The following ANO4 variants were observed in gnomAD, a reference collection of about 807,000 sequenced individuals.
ANO4 encodes the protein anoctamin 4.
In ANO4, 69 loss-of-function variants were observed where a neutral mutation model predicts 141.9. That is an observed-to-expected ratio of 0.49 (90% CI 0.40 to 0.59). ANO4 has a LOEUF of 0.59. Ranked by LOEUF, ANO4 falls within the 20% of genes least tolerant of loss-of-function variation. The pLI is 0.00. For missense variants in ANO4, 894 were observed against 1,162.2 expected (o/e 0.77, Z 3.36); for synonymous variants, 350 against 394.3 (o/e 0.89, Z 1.33).
At chr12:100,974,407 G>A (rs2044068678) in intron 6 of ANO4, among the ~76,000 whole-genome samples, 1 of 151,912 alleles carries the variant, frequency 6.6e-6, no homozygotes, top group African/African-American at 2.4e-5. Context: ...TGAGAGACGT[G>A]TCTTGTGTAA....
At chr12:100,776,303 C>T (rs750333061) in intron 3 of ANO4, among the ~76,000 whole-genome samples, 1 of 152,140 alleles carries the variant, frequency 6.6e-6, no homozygotes, top group Non-Finnish European at 1.5e-5. Flanking sequence ...GACTGGATTG[C>T]TTGCTGGAGC....
chr12:100,856,165 G>C (rs767265297), intron 1 of ANO4, among the ~76,000 whole-genome samples: 1 of 152,108 alleles, frequency 6.6e-6, no homozygotes, highest in Non-Finnish European at 1.5e-5. Flanking sequence ...GAGCTTGTAG[G>C]AGACTTGAAG....
intron 1 of ANO4, among the ~76,000 whole-genome samples, chr12:100,883,342 T>C (rs1427433787): frequency 6.6e-6 from 1 of 152,224 alleles, no homozygotes; most frequent in East Asian, 1.9e-4. Flanking sequence ...CCATAAGGTC[T>C]CTGTCATGAC....
At chr12:100,725,636 A>G (rs1807755325) in intron 1 of ANO4, among the ~76,000 whole-genome samples, 1 of 152,098 alleles carries the variant, frequency 6.6e-6, no homozygotes, top group African/African-American at 2.4e-5. Context: ...ATGAGCCACC[A>G]CACCCGGCCG....
intron 1 of ANO4, among the ~76,000 whole-genome samples, chr12:100,724,412 C>T (rs11110497): frequency 0.1 from 15,606 of 152,182 alleles, 1,003 homozygotes; most frequent in East Asian, 0.32. Context: ...CTCTGGGAGT[C>T]TGGGTCTCAC....
At chr12:101,037,236 T>C in intron 10 of ANO4, 86 bp downstream of exon 10, 1 of 1,405,928 alleles carries the variant, frequency 7.1e-7, no homozygotes, top group Non-Finnish European at 1.0e-6. Flanking sequence ...ATTGAATTTG[T>C]TGACATTTGC....
At position 101,099,816 on chromosome 12, in the gene ANO4, T is replaced by C; in HGVS notation, c.2149+96T>C. On this transcript the variant is annotated intron_variant, in intron 22 of 27. Transcript: ENST00000392977. ...TACCCGTTATCATCAAGGTCCTCAG[T>C]GCGTAGGGATTCCTAAGGCAAACAG... The C allele has an allele frequency of 5.8e-6, 6 of 1,034,246 alleles. No homozygotes were observed. The South Asian group carries it at 1.4e-4, about 25-fold the overall frequency. 64.1% of individuals were successfully genotyped at this position (1,034,246 alleles called of 1,614,324 possible).
intron 17 of ANO4, among the ~76,000 whole-genome samples, chr12:101,089,485 G>A (rs918405271): frequency 1.3e-5 from 2 of 151,986 alleles, no homozygotes; most frequent in South Asian, 2.1e-4. Context: ...ACCAGGACTC[G>A]GTCTGTGTTA....
chr12:100,767,335 A>G (rs956494223), intron 3 of ANO4, among the ~76,000 whole-genome samples: 3 of 152,076 alleles, frequency 2.0e-5, no homozygotes, highest in Admixed American at 1.3e-4. Flanking sequence ...TTTTAGTGGT[A>G]TACTTTGATT....
rs549372323 is a variant in ANO4, at chr12:101,113,227, A to G, written c.2450+1517A>G. Among the ~76,000 whole-genome samples the G allele has an allele frequency of 5.3e-5, 8 of 152,232 alleles. No homozygotes were observed. In the South Asian group the frequency reaches 1.7e-3, roughly 32 times the overall value. On this transcript the variant is annotated intron_variant, in intron 24 of 27. Transcript: ENST00000392977. ...TGTCCCTTAACAGTAAACCCCCTGG[A>G]TTTTCCGTCGTAATGGTGTTTCAGT...
intron 2 of ANO4, among the ~76,000 whole-genome samples, chr12:100,908,760 A>G (rs1209183298): frequency 6.6e-6 from 1 of 152,174 alleles, no homozygotes; most frequent in Non-Finnish European, 1.5e-5. Context: ...TCTATTTTTT[A>G]CAAAGTTAAT....
intron 26 of ANO4, among the ~76,000 whole-genome samples, chr12:101,121,908 C>T (rs573935543): frequency 1.3e-5 from 2 of 152,024 alleles, no homozygotes; most frequent in South Asian, 4.2e-4. Flanking sequence ...ATTACAGGCA[C>T]CCGCTACCAC....
At chr12:100,861,879 A>G (rs1022836431) in intron 1 of ANO4, among the ~76,000 whole-genome samples, 1 of 152,170 alleles carries the variant, frequency 6.6e-6, no homozygotes, top group East Asian at 1.9e-4. Flanking sequence ...ACTAAGATAC[A>G]AACTCACACA....
In ANO4 at chr12:101,042,215, T is replaced by C. The variant is rs1365248418; in HGVS notation, c.1020-119T>C. ...GATGGGATGTTCTTTTATCTTGGCT[T>C]ACCTTGCTTGCAGTTTACCTCGTAA... On this transcript the variant is annotated intron_variant, in intron 11 of 27. Transcript: ENST00000392977. The C allele has an allele frequency of 1.7e-5, 22 of 1,268,016 alleles. No individual in the cohort carries two copies. The East Asian group carries it at 3.7e-4, about 21-fold the overall frequency. The allele number at this position is 1,268,016 out of a possible 1,614,324, so 78.5% of individuals were successfully genotyped here.
At chr12:100,832,270 G>A (rs2036672753) in intron 1 of ANO4, among the ~76,000 whole-genome samples, 1 of 152,056 alleles carries the variant, frequency 6.6e-6, no homozygotes, top group Non-Finnish European at 1.5e-5. Flanking sequence ...TACCTGAGAG[G>A]CCCTTTAAGG....
intron 22 of ANO4, among the ~76,000 whole-genome samples, chr12:101,101,973 A>G (rs2050206668): frequency 6.6e-6 from 1 of 152,104 alleles, no homozygotes; most frequent in South Asian, 2.1e-4. Context: ...AATCCCAGCT[A>G]CTTGGGAAGC....
chr12:100,730,057 G>A (rs12316088), intron 1 of ANO4, among the ~76,000 whole-genome samples: 2,571 of 151,912 alleles, frequency 0.017, 56 homozygotes, highest in African/African-American at 0.059. Context: ...CTCTCTGATT[G>A]TATACATTTT....
intron 3 of ANO4, among the ~76,000 whole-genome samples, chr12:100,922,875 G>T (rs2041691016): frequency 6.6e-6 from 1 of 151,992 alleles, no homozygotes; most frequent in South Asian, 2.1e-4. Context: ...CTGTTTTATA[G>T]CTTTCACTCA....
intron 3 of ANO4, among the ~76,000 whole-genome samples, chr12:100,781,968 T>A (rs1593320177): frequency 1.3e-5 from 2 of 152,294 alleles, no homozygotes; most frequent in Middle Eastern, 6.8e-3. Context: ...AATACATAAT[T>A]TTTGTGAGTC....
Sources: allele counts gnomAD v4.1 joint callset (sites outside exome capture counted in the v4.1 genomes callset), GRCh38; gene constraint gnomAD v4.1.1; transcripts MANE v1.5; gene names NCBI Gene and HGNC (gene_info 2026-07-23, HGNC 2026-07-21).